FASTKD1: variants seen among roughly 807,000 people sequenced by gnomAD.
FASTKD1 encodes FAST kinase domains 1, also known as FAST kinase domain-containing protein 1, mitochondrial.
In FASTKD1, 94 loss-of-function variants were observed where a neutral mutation model predicts 90.9. That is an observed-to-expected ratio of 1.03 (90% confidence interval 0.88 to 1.23). The LOEUF (loss-of-function observed/expected upper bound fraction) is 1.23, where lower values mean the gene tolerates loss of function less well. FASTKD1 is among the 50% of genes most tolerant of loss of function. The pLI, the probability that FASTKD1 is intolerant of heterozygous loss-of-function variation, is 0.00. For synonymous variants in FASTKD1, 319 were observed against 345.8 expected, an observed-to-expected ratio of 0.92 and a Z score of 0.86; for missense variants, 945 against 993.5, an observed-to-expected ratio of 0.95 and a Z score of 0.66.
chr2:169,531,450 C>A lies in FASTKD1; in HGVS notation c.2229G>T (p.Pro743=). The A allele has an allele frequency of 6.2e-7, 1 of 1,610,530 alleles. No homozygotes were observed. The highest frequency in any genetic ancestry group is 8.5e-7 in the Non-Finnish European group (1 of 1,179,030). ...CCAATGCTATATTATGGCTTCCATA[C>A]GGAAGAGGTTTTTTTCTTTTATCCA... The part of the protein sequence containing the change: ...CILDKRKKPL[P]YGSHNIALGQ... Residue 743 remains proline, a synonymous_variant, in exon 13 of 15, where the codon CCG becomes CCT. Transcript: ENST00000453153.
Position 169,537,346 on chromosome 2 carries a change from T to C in FASTKD1, c.2075-6A>G. On this transcript the variant is annotated splice_region_variant and splice_polypyrimidine_tract_variant and intron_variant, in intron 11 of 14. Transcript: ENST00000453153. Reference sequence around the variant, plus strand: ...TCCATCCATGCCACCAATACCTTTATAAAAAAATAAATAATTAGTCTACTT... The same window carrying C: ...TCCATCCATGCCACCAATACCTTTACAAAAAAATAAATAATTAGTCTACTT... The C allele has an allele frequency of 6.6e-7, 1 of 1,517,176 alleles. No individual in the cohort carries two copies. Among genetic ancestry groups the C allele is most frequent in the Non-Finnish European group, 9.0e-7 (1 of 1,106,174 alleles). The allele number at this position is 1,517,176 out of a possible 1,614,324, so 94.0% of individuals were successfully genotyped here. A position where few individuals can be genotyped will look rare whatever the true frequency, so the allele number is the denominator to read the frequency against.
intron 13 of FASTKD1, 179 bp from the exon 14 acceptor site, chr2:169,530,880 C>G: frequency 1.5e-6 from 1 of 674,330 alleles, no homozygotes; most frequent in Non-Finnish European, 2.7e-6. Context: ...TATTTAGTTA[C>G]ACAAAATTAT....
intron 4 of FASTKD1, 43 bp from the exon 5 acceptor site, chr2:169,560,828 A>C: frequency 1.8e-6 from 2 of 1,119,880 alleles, no homozygotes; most frequent in Non-Finnish European, 1.2e-6. Flanking sequence ...ATCAATTAAG[A>C]ATGATCAATT....
intron 4 of FASTKD1, among the ~76,000 whole-genome samples, chr2:169,562,090 TATTGTAAAATAATTA>T: frequency 7.4e-6 from 1 of 135,208 alleles, no homozygotes; most frequent in African/African-American, 2.8e-5. Flanking sequence ...TTTATTAATT[TATTGTAAAATAATTA>T]TTTATTAATT....
At chr2:169,532,668 A>G (rs1041187733) in intron 12 of FASTKD1, among the ~76,000 whole-genome samples, 3 of 143,524 alleles carry the variant, frequency 2.1e-5, no homozygotes, top group Non-Finnish European at 3.0e-5. Flanking sequence ...CGAAATGTGG[A>G]AAAAAAAAAC....
Position 169,529,875 on chromosome 2 carries a change from T to C in FASTKD1, c.2494A>G (p.Met832Val). ...AATATACATTCTCTCAGGTAGTCCATCCGAGCATCCTTTGTTGACAGTGCC... is the reference window on the plus strand; with the variant it reads ...AATATACATTCTCTCAGGTAGTCCACCCGAGCATCCTTTGTTGACAGTGCC... ...SMALSTKDARMDYLRECIFGE... is the reference protein window; with the variant it reads ...SMALSTKDARVDYLRECIFGE... Residue 832 changes from methionine (M) to valine (V), a missense_variant, in exon 15 of 15, where the codon ATG becomes GTG. Coordinates refer to ENST00000453153, the MANE Select transcript of FASTKD1 (RefSeq NM_024622.6). The C allele has an allele frequency of 6.2e-7, 1 of 1,613,780 alleles. No homozygotes were observed. The highest frequency in any genetic ancestry group is 8.5e-7 in the Non-Finnish European group (1 of 1,179,808).
chr2:169,546,235 C>T lies in FASTKD1; in HGVS notation c.1684G>A (p.Val562Ile). 6.4e-7 allele frequency: 1 copy of T among 1,570,020 alleles called. No individual in the cohort carries two copies. Among genetic ancestry groups the T allele is most frequent in the South Asian group, 1.2e-5 (1 of 85,360 alleles). Residue 562 changes from valine to isoleucine, a missense_variant, in exon 8 of 15, where the codon GTT (valine) becomes ATT (isoleucine). Transcript: ENST00000453153. Reference sequence around the variant, plus strand: ...AATTTCACCTTTTCAATCTGCTGAACAGCCACTGAGGCTATCCTATCTAGT... The same window carrying T: ...AATTTCACCTTTTCAATCTGCTGAATAGCCACTGAGGCTATCCTATCTAGT... The part of the protein sequence containing the change: ...LLLDRIASVA[V>I]QQIEKIHPFT...
intron 9 of FASTKD1, among the ~76,000 whole-genome samples, chr2:169,543,398 G>A (rs951609571): frequency 6.6e-6 from 1 of 152,136 alleles, no homozygotes; most frequent in African/African-American, 2.4e-5. Context: ...GGGAGGCGGA[G>A]GTTGCAGTGA....
rs758586669 is a variant in FASTKD1 at position 169,537,240 on chromosome 2, A to G, written c.2175T>C (p.Tyr725=). The change falls in exon 12 of 15, where the codon TAT becomes TAC. Residue 725 remains tyrosine, a synonymous_variant. Transcript: ENST00000453153. The stretch of plus-strand genomic sequence containing the variant: ...CCAATAACTTACCTACTTTGTGGTA[A>G]TAAGGCGTAAGAACCGAGGCTTTTA... ...NCVKASVLTP[Y]YHKVDFECIL... is the part of the protein sequence containing the mutation. The G allele has an allele frequency of 6.2e-7, 1 of 1,603,690 alleles. No homozygotes were observed. The highest frequency in any genetic ancestry group is 1.3e-5 in the African/African-American group (1 of 74,838).
chr2:169,531,115 A>G (rs749387237), intron 13 of FASTKD1: 1 of 737,546 alleles, frequency 1.4e-6, no homozygotes, highest in Non-Finnish European at 2.5e-6. Flanking sequence ...ATACTATTTT[A>G]CTTCCAGTGG....
At chr2:169,538,703 C>A in intron 10 of FASTKD1, among the ~76,000 whole-genome samples, 1 of 148,432 alleles carries the variant, frequency 6.7e-6, no homozygotes, top group African/African-American at 2.5e-5. Flanking sequence ...AAAAATACTC[C>A]CAAGATTTTT....
At chr2:169,538,792 G>C (rs542632650) in intron 10 of FASTKD1, among the ~76,000 whole-genome samples, 6 of 151,404 alleles carry the variant, frequency 4.0e-5, no homozygotes, top group East Asian at 3.9e-4. Flanking sequence ...TACTTACAAT[G>C]ATGAGGAATT....
chr2:169,571,926 C>T lies in FASTKD1; in HGVS notation c.104G>A (p.Ser35Asn), dbSNP rs149123082. 2.2e-3 allele frequency: 3,515 copies of T among 1,614,062 alleles called. 2 individuals are homozygous for T. The highest frequency in any genetic ancestry group is 2.6e-3 in the Non-Finnish European group (3,020 of 1,180,000). ...CATCTGAATAATTAGTGGTTCACAA[C>T]TGATGGGTCGAAATTGAAACACTCT... ...SWRVFQFRPI[S>N]CEPLIIQMNK... The change falls in exon 2 of 15, where the codon AGT (serine) becomes AAT (asparagine). Residue 35 changes from serine to asparagine, a missense_variant. Ser to Asn is a conservative substitution (Grantham distance 46, BLOSUM62 1). Transcript: ENST00000453153.
At chr2:169,533,969 A>C (rs1684606492) in intron 12 of FASTKD1, among the ~76,000 whole-genome samples, 1 of 151,862 alleles carries the variant, frequency 6.6e-6, no homozygotes, top group Non-Finnish European at 1.5e-5. Context: ...TCAGGAGTTT[A>C]AGACCAGCCT....
At chr2:169,554,139 G>C (rs1280647004) in intron 7 of FASTKD1, among the ~76,000 whole-genome samples, 1 of 149,382 alleles carries the variant, frequency 6.7e-6, no homozygotes, top group East Asian at 2.0e-4. Context: ...AAGTTTGGTA[G>C]CACTACTACT....
intron 3 of FASTKD1, among the ~76,000 whole-genome samples, chr2:169,566,431 T>G (rs1683988473): frequency 6.6e-6 from 1 of 152,098 alleles, no homozygotes; most frequent in Non-Finnish European, 1.5e-5. Flanking sequence ...TTAAAAATAT[T>G]CTATAATAGA....
intron 2 of FASTKD1, among the ~76,000 whole-genome samples, chr2:169,569,649 G>A (rs1031098499): frequency 2.6e-5 from 4 of 151,966 alleles, no homozygotes; most frequent in African/African-American, 9.7e-5. Flanking sequence ...TCAGGAGTTC[G>A]AGACCAGCCT....
chr2:169,531,084 G>A (rs745635156), intron 13 of FASTKD1: 3 of 701,550 alleles, frequency 4.3e-6, no homozygotes, highest in Non-Finnish European at 5.3e-6. Context: ...AAAGTAGAGA[G>A]GTATGGGAGC....
intron 1 of FASTKD1, 52 bp from the exon 2 acceptor site, chr2:169,572,223 T>C: frequency 2.1e-6 from 1 of 482,114 alleles, no homozygotes; most frequent in Non-Finnish European, 3.3e-6. Context: ...AATATCAAAA[T>C]GATTCCAAAA....
Sources: gnomAD v4.1 joint callset for allele counts (sites outside exome capture counted in the v4.1 genomes callset) on GRCh38, gnomAD v4.1.1 for gene constraint, MANE v1.5 for transcripts, NCBI Gene and HGNC (gene_info 2026-07-23, HGNC 2026-07-21) for gene names.